TRMT44: variants seen among roughly 807,000 people sequenced by gnomAD.
TRMT44 encodes the protein probable tRNA (uracil-O(2)-)-methyltransferase.
A neutral mutation model predicts 77.3 loss-of-function variants in TRMT44; 78 were observed. The ratio of observed to expected loss-of-function variants is 1.01; its 90% CI spans 0.84 to 1.22. The LOEUF is 1.22. Ranked by LOEUF, TRMT44 falls within the 50% of genes most tolerant of loss-of-function variation. TRMT44 has a pLI of 0.00. For synonymous variants in TRMT44, 391 were observed against 383.3 expected, an observed-to-expected ratio of 1.02 and a Z score of -0.23; for missense variants, 1,090 against 964.4, an observed-to-expected ratio of 1.13 and a Z score of -1.73.
intron 6 of TRMT44, among the ~76,000 whole-genome samples, chr4:8,462,160 C>T (rs915625956): frequency 7.2e-5 from 11 of 152,208 alleles, no homozygotes; most frequent in African/African-American, 2.7e-4. Context: ...CCTGTAATCC[C>T]AGCACTTTGG....
At chr4:8,491,642 CG>C (rs1728009652) in intron 2 of TRMT44, among the ~76,000 whole-genome samples, 1 of 152,246 alleles carries the variant, frequency 6.6e-6, no homozygotes, top group Admixed American at 6.5e-5. Context: ...CCTCTGCAGC[CG>C]CTGGCCCGGG....
intron 6 of TRMT44, among the ~76,000 whole-genome samples, chr4:8,455,477 A>G (rs1251195001): frequency 2.0e-5 from 3 of 152,210 alleles, no homozygotes; most frequent in Admixed American, 2.0e-4. Flanking sequence ...TTTCTCTCAT[A>G]TCTTTGGGCC....
chr4:8,455,636 A>G (rs1480482048), intron 6 of TRMT44, among the ~76,000 whole-genome samples: 6 of 152,244 alleles, frequency 3.9e-5, no homozygotes, highest in Admixed American at 3.9e-4. Context: ...ATTTGTGACC[A>G]TGGTGTATAC....
chr4:8,469,577 G>A (rs939304068), intron 9 of TRMT44, among the ~76,000 whole-genome samples: 1 of 152,360 alleles, frequency 6.6e-6, no homozygotes, highest in African/African-American at 2.4e-5. Flanking sequence ...ACGGCTTTCG[G>A]TGGGTGAGGA....
chr4:8,491,993 G>A (rs981776533), intron 2 of TRMT44, among the ~76,000 whole-genome samples: 3 of 152,242 alleles, frequency 2.0e-5, no homozygotes, highest in Admixed American at 6.5e-5. Flanking sequence ...CCCACATGGC[G>A]TGGCCACCCT....
chr4:8,460,564 CTCTTT>C (rs776362927), intron 6 of TRMT44, among the ~76,000 whole-genome samples: 49 of 125,010 alleles, frequency 3.9e-4, no homozygotes, highest in East Asian at 3.3e-3. Context: ...GTTGGCCTCA[CTCTTT>C]TTTTTTTTTT....
intron 9 of TRMT44, among the ~76,000 whole-genome samples, chr4:8,470,055 G>A (rs1226673533): frequency 2.6e-5 from 4 of 152,288 alleles, no homozygotes. Flanking sequence ...TGCCAGGCCA[G>A]GAGGCACCCA....
In TRMT44 at chr4:8,446,086, G is replaced by A. The variant is rs942545353; in HGVS notation, c.620-390G>A. 2.6e-5 allele frequency among the ~76,000 whole-genome samples: 4 copies of A among 152,220 alleles called. No homozygotes were observed. In the East Asian group the frequency reaches 7.7e-4, roughly 29 times the overall value. Reference sequence around the variant, plus strand: ...CCGCTTTCCTGAACTGGCCTCTGATGGCTGAGCAGTGTTCTGTGCCTTGCT... The same window carrying A: ...CCGCTTTCCTGAACTGGCCTCTGATAGCTGAGCAGTGTTCTGTGCCTTGCT... On this transcript the variant is annotated intron_variant, in intron 1 of 10. Coordinates refer to ENST00000389737, the MANE Select transcript of TRMT44 (RefSeq NM_152544.3). The surrounding 1 kb of genome is among the most constrained non-coding windows in gnomAD (Gnocchi z 4.3).
At chr4:8,505,464 G>A in the TRMT44 span, among the ~76,000 whole-genome samples, 3 of 152,312 alleles carry the variant, frequency 2.0e-5, no homozygotes, top group East Asian at 5.8e-4. Context: ...TGCAAGACGT[G>A]GTAGGGTGGA....
chr4:8,508,455 A>G, the TRMT44 span, among the ~76,000 whole-genome samples: 176 of 152,288 alleles, frequency 1.2e-3, 2 homozygotes, highest in African/African-American at 4.1e-3. Context: ...CCCCTCCCCA[A>G]GTGACCCCCA....
chr4:8,480,705 C>T (rs146857016), downstream of TRMT44, among the ~76,000 whole-genome samples: 11 of 152,330 alleles, frequency 7.2e-5, no homozygotes, highest in East Asian at 1.4e-3. Flanking sequence ...GTGGGACCAT[C>T]ACCTCAAGGA....
intron 5 of TRMT44, 42 bp downstream of exon 5, chr4:8,453,031 A>G (rs1249909680): frequency 1.6e-6 from 2 of 1,260,256 alleles, no homozygotes; most frequent in African/African-American, 1.5e-5. Flanking sequence ...ACTTGTCCAG[A>G]GTTTCCTCAA....
In TRMT44 at chr4:8,488,492, C is replaced by G. The variant is rs376953508; in HGVS notation, n.3892-4774C>G. On this transcript the variant is annotated intron_variant and non_coding_transcript_variant, in intron 2 of 2. Transcript: ENST00000511366. ...GGTGCTCCGTGGGGAAGCTTTTTGC[C>G]TCAGGATGAGCCAGGAAAAGGACTT... is the stretch of plus-strand genomic sequence containing the variant. 1.1e-4 allele frequency among the ~76,000 whole-genome samples: 16 copies of G among 152,296 alleles called. No homozygotes were observed. In the East Asian group the frequency reaches 2.9e-3, roughly 28 times the overall value.
chr4:8,446,621 A>G lies in TRMT44; in HGVS notation c.734+31A>G, dbSNP rs78384927. On this transcript the variant is annotated intron_variant, in intron 2 of 10. Coordinates refer to ENST00000389737, the MANE Select transcript of TRMT44 (RefSeq NM_152544.3). This position sits in a 1 kb window ranked among gnomAD's most constrained non-coding sequence, Gnocchi z 4.3. ...AGCTGGACAGTGGACTCCTAGTTTT[A>G]TGGTTTCCATTGAGGATTTCTTTAG... 2.3e-3 allele frequency: 3,289 copies of G among 1,440,662 alleles called. 86 individuals carry two copies. In the East Asian group the frequency reaches 0.056, roughly 25 times the overall value. 89.2% of individuals were successfully genotyped at this position (1,440,662 alleles called of 1,614,324 possible).
intron 6 of TRMT44, among the ~76,000 whole-genome samples, chr4:8,458,800 A>T (rs1295908040): frequency 6.6e-6 from 1 of 152,154 alleles, no homozygotes; most frequent in African/African-American, 2.4e-5. Context: ...TTAAGGATAT[A>T]GTATATAATA....
At chr4:8,470,191 A>G (rs1388083392) in intron 9 of TRMT44, among the ~76,000 whole-genome samples, 1 of 152,220 alleles carries the variant, frequency 6.6e-6, no homozygotes, top group Non-Finnish European at 1.5e-5. Context: ...AATGGATTTG[A>G]GACAGCCGAG....
intron 7 of TRMT44, among the ~76,000 whole-genome samples, chr4:8,465,175 A>AC (rs975005923): frequency 3.9e-5 from 6 of 152,326 alleles, no homozygotes; most frequent in African/African-American, 1.4e-4. Flanking sequence ...CTTGCAGTAC[A>AC]CCCATGCCAC....
chr4:8,463,320 G>GA (rs1197930073), intron 6 of TRMT44, among the ~76,000 whole-genome samples: 1 of 152,192 alleles, frequency 6.6e-6, no homozygotes, highest in Non-Finnish European at 1.5e-5. Context: ...CTGATTATCA[G>GA]AAAGGGTAGG....
At chr4:8,441,465 G>T (rs577277873) in intron 1 of TRMT44, 24 bp downstream of exon 1, 2 of 1,460,056 alleles carry the variant, frequency 1.4e-6, no homozygotes, top group Admixed American at 4.8e-5. Flanking sequence ...GATAGTGGAC[G>T]GATATGATTA....
Sources: allele counts gnomAD v4.1 joint callset (sites outside exome capture counted in the v4.1 genomes callset), GRCh38; gene constraint gnomAD v4.1.1; non-coding constraint Gnocchi (gnomAD v3.1); transcripts MANE v1.5; gene names NCBI Gene and HGNC (gene_info 2026-07-23, HGNC 2026-07-21).